The following RANBP2 variants were observed in gnomAD, a reference collection of about 807,000 sequenced individuals.
RANBP2 encodes the protein E3 SUMO-protein ligase RanBP2.
RANBP2 carries 57 observed loss-of-function variants against 303.6 expected under a neutral mutation model. The ratio of observed to expected loss-of-function variants is 0.19; its 90% CI spans 0.15 to 0.23. The LOEUF (loss-of-function observed/expected upper bound fraction) is 0.23. Ranked by LOEUF, RANBP2 falls within the 10% of genes least tolerant of loss-of-function variation. The probability of loss-of-function intolerance (pLI) is 1.00; values close to 1 mark genes in which losing one functional copy is unlikely to be tolerated. For synonymous variants in RANBP2, 1,167 were observed against 1,301.5 expected (o/e 0.90, Z 2.23); for missense variants, 3,138 against 3,780.8 (o/e 0.83, Z 4.46).
At chr2:109,643,069 C>A in the RANBP2 span, among the ~76,000 whole-genome samples, 1 of 151,932 alleles carries the variant, frequency 6.6e-6, no homozygotes, top group Admixed American at 6.6e-5. Flanking sequence ...TAAGTCCCAG[C>A]TACTCAGGAG....
chr2:109,476,217 C>T, the RANBP2 span, among the ~76,000 whole-genome samples: 2 of 152,226 alleles, frequency 1.3e-5, no homozygotes, highest in Non-Finnish European at 2.9e-5. Context: ...CTCAGCCCTG[C>T]CCCCACCAGG....
At chr2:109,603,839 G>A in the RANBP2 span, among the ~76,000 whole-genome samples, 1 of 152,132 alleles carries the variant, frequency 6.6e-6, no homozygotes, top group East Asian at 1.9e-4. Context: ...TTCGATACCA[G>A]CCTGGCCAAT....
At chr2:109,446,071 T>C in the RANBP2 span, among the ~76,000 whole-genome samples, 2 of 152,092 alleles carry the variant, frequency 1.3e-5, no homozygotes, top group South Asian at 4.2e-4. Flanking sequence ...GTGGGCTACT[T>C]TGGCATCACT....
chr2:109,287,558 C>T, the RANBP2 span, among the ~76,000 whole-genome samples: 2 of 152,212 alleles, frequency 1.3e-5, no homozygotes, highest in African/African-American at 2.4e-5. Flanking sequence ...TCCCCCTTGA[C>T]CCTGTTGGTG....
the RANBP2 span, among the ~76,000 whole-genome samples, chr2:109,435,317 C>T: frequency 6.6e-6 from 1 of 152,200 alleles, no homozygotes; most frequent in Admixed American, 6.5e-5. Flanking sequence ...AAGCTGTGCC[C>T]CCAGGACTTA....
chr2:109,624,909 C>T, the RANBP2 span, among the ~76,000 whole-genome samples: 3 of 151,680 alleles, frequency 2.0e-5, no homozygotes, highest in South Asian at 4.2e-4. Context: ...GGCGAAACCC[C>T]GTCTCTACTA....
the RANBP2 span, among the ~76,000 whole-genome samples, chr2:109,642,739 A>G: frequency 2.6e-5 from 4 of 152,226 alleles, no homozygotes; most frequent in African/African-American, 9.6e-5. Context: ...TTACCACAGA[A>G]GGGAAAATTT....
At chr2:109,462,686 C>T in the RANBP2 span, among the ~76,000 whole-genome samples, 5 of 152,226 alleles carry the variant, frequency 3.3e-5, no homozygotes, top group Non-Finnish European at 2.9e-5. Context: ...CCTCTCTCCA[C>T]AGGTCAGGAA....
At chr2:109,581,466 T>C in the RANBP2 span, among the ~76,000 whole-genome samples, 2 of 151,196 alleles carry the variant, frequency 1.3e-5, no homozygotes, top group African/African-American at 4.9e-5. Flanking sequence ...ATCAGTAAAG[T>C]TTATTCTATG....
chr2:108,860,543 G>A, the RANBP2 span, among the ~76,000 whole-genome samples: 12 of 150,534 alleles, frequency 8.0e-5, no homozygotes, highest in South Asian at 2.5e-3. Context: ...AAGAGATGTT[G>A]GATTTTATCT....
At chr2:109,063,464 G>A in the RANBP2 span, among the ~76,000 whole-genome samples, 1 of 152,162 alleles carries the variant, frequency 6.6e-6, no homozygotes, top group East Asian at 1.9e-4. Context: ...AGAAACGAGC[G>A]CATGGAGGAT....
the RANBP2 span, among the ~76,000 whole-genome samples, chr2:109,608,267 C>T: frequency 6.6e-6 from 1 of 152,150 alleles, no homozygotes; most frequent in South Asian, 2.1e-4. Flanking sequence ...GACTGGGATA[C>T]AGTTTTCTCA....
the RANBP2 span, among the ~76,000 whole-genome samples, chr2:109,157,360 G>A: frequency 4.6e-5 from 7 of 152,200 alleles, no homozygotes; most frequent in African/African-American, 1.4e-4. Context: ...TATTGCATTC[G>A]CTTTATAGAC....
At chr2:109,451,288 C>T in the RANBP2 span, among the ~76,000 whole-genome samples, 2 of 152,178 alleles carry the variant, frequency 1.3e-5, no homozygotes, top group Non-Finnish European at 2.9e-5. Context: ...CCCTGCAGCC[C>T]TTGTTATGAG....
At chr2:109,337,736 C>A in the RANBP2 span, among the ~76,000 whole-genome samples, 1 of 150,392 alleles carries the variant, frequency 6.6e-6, no homozygotes, top group African/African-American at 2.4e-5. Flanking sequence ...TAAGGTCCCC[C>A]TTTTTTTTTG....
At chr2:109,087,952 T>C in the RANBP2 span, among the ~76,000 whole-genome samples, 7 of 152,262 alleles carry the variant, frequency 4.6e-5, no homozygotes, top group Non-Finnish European at 5.9e-5. Context: ...CTTGAGCAAC[T>C]TGTCTAATGC....
chr2:108,831,031 C>T, the RANBP2 span, among the ~76,000 whole-genome samples: 2 of 151,944 alleles, frequency 1.3e-5, no homozygotes, highest in Non-Finnish European at 2.9e-5. Flanking sequence ...AAAAATTAGC[C>T]AGGCATGGTG....
the RANBP2 span, among the ~76,000 whole-genome samples, chr2:109,024,919 A>G: frequency 3.9e-5 from 6 of 152,306 alleles, no homozygotes; most frequent in Admixed American, 3.9e-4. Context: ...CATTGGGATT[A>G]ATTACATTCA....
At chr2:108,952,465 T>C in the RANBP2 span, among the ~76,000 whole-genome samples, 1 of 152,256 alleles carries the variant, frequency 6.6e-6, no homozygotes, top group Non-Finnish European at 1.5e-5. Context: ...CTGACTTTAA[T>C]TCACTGCTTC....
Sources: gnomAD v4.1 joint callset for allele counts (sites outside exome capture counted in the v4.1 genomes callset) on GRCh38, gnomAD v4.1.1 for gene constraint, MANE v1.5 for transcripts, NCBI Gene and HGNC (gene_info 2026-07-23, HGNC 2026-07-21) for gene names.